Variants in ST8SIA4 observed in about 807,000 individuals in gnomAD.
ST8SIA4 encodes the protein ST8 alpha-N-acetyl-neuraminide alpha-2,8-sialyltransferase 4, also known as CMP-N-acetylneuraminate-poly-alpha-2,8-sialyltransferase.
A neutral mutation model predicts 33.9 loss-of-function variants in ST8SIA4; 15 were observed. The ratio of observed to expected loss-of-function variants is 0.44; its 90% CI spans 0.30 to 0.68. The LOEUF is 0.68. Among genes scored for constraint, ST8SIA4 ranks in the 30% least tolerant of loss-of-function variants. The probability of loss-of-function intolerance (pLI) is 0.10; values close to 1 mark genes in which losing one functional copy is unlikely to be tolerated. For missense variants in ST8SIA4, 321 were observed against 428.0 expected (o/e 0.75, Z 2.21); for synonymous variants, 171 against 151.2 (o/e 1.13, Z -0.96).
Position 100,886,514 on chromosome 5 carries a change from A to T in ST8SIA4, c.332T>A (p.Val111Glu). Residue 111 changes from valine (V) to glutamate (E), a missense_variant, in exon 3 of 5, where the codon GTG (valine) becomes GAG (glutamate). Transcript: ENST00000231461. ...SFKPGDVIHYVLDRRRTLNIS... is the reference protein window; with the variant it reads ...SFKPGDVIHYELDRRRTLNIS... ...GTTTAGTGTCCGGCGCCTGTCAAGCACATAGTGTATGACATCACCAGGCTT... is the reference window on the plus strand; with the variant it reads ...GTTTAGTGTCCGGCGCCTGTCAAGCTCATAGTGTATGACATCACCAGGCTT... 6.2e-7 allele frequency: 1 copy of T among 1,613,944 alleles called. No individual in the cohort carries two copies. Among genetic ancestry groups the T allele is most frequent in the Non-Finnish European group, 8.5e-7 (1 of 1,179,824 alleles).
chr5:100,830,744 G>T (rs1432457932), intron 4 of ST8SIA4, among the ~76,000 whole-genome samples: 1 of 152,138 alleles, frequency 6.6e-6, no homozygotes, highest in Admixed American at 6.5e-5. Context: ...ATTTCAAATG[G>T]TTGCATTATA....
rs548265199 is a variant in ST8SIA4, at chr5:100,903,251, C to G, written c.-296G>C. The G allele has an allele frequency of 8.3e-5, 31 of 372,450 alleles. No homozygotes were observed. The highest frequency in any genetic ancestry group is 6.3e-4 in the African/African-American group (30 of 47,838). 23.1% of individuals were successfully genotyped at this position (372,450 alleles called of 1,614,324 possible). On this transcript the variant is annotated 5_prime_UTR_variant, in exon 1 of 5. Coordinates refer to ENST00000231461, the MANE Select transcript of ST8SIA4 (RefSeq NM_005668.6). Reference sequence around the variant, plus strand: ...GAGACACCTTGTGCATTGGAGGTGGCGGCAGCTTCTGCAGCTGGGTTCGGG... The same window carrying G: ...GAGACACCTTGTGCATTGGAGGTGGGGGCAGCTTCTGCAGCTGGGTTCGGG...
intron 1 of ST8SIA4, among the ~76,000 whole-genome samples, chr5:100,898,019 T>G (rs895980415): frequency 6.6e-6 from 1 of 152,240 alleles, no homozygotes; most frequent in African/African-American, 2.4e-5. Context: ...CTATCACTAT[T>G]TCTGTGGATA....
intron 2 of ST8SIA4, among the ~76,000 whole-genome samples, chr5:100,887,230 A>G (rs1189569140): frequency 6.6e-6 from 1 of 152,072 alleles, no homozygotes; most frequent in African/African-American, 2.4e-5. Flanking sequence ...AAATGAATAG[A>G]TAGAACATTG....
At chr5:100,854,287 T>C (rs1751765932) in intron 4 of ST8SIA4, among the ~76,000 whole-genome samples, 1 of 151,718 alleles carries the variant, frequency 6.6e-6, no homozygotes, top group South Asian at 2.1e-4. Flanking sequence ...GATCTAATTA[T>C]AAGAATGCAA....
chr5:100,892,826 C>G (rs1006276689), intron 2 of ST8SIA4, among the ~76,000 whole-genome samples: 1 of 151,818 alleles, frequency 6.6e-6, no homozygotes, highest in Non-Finnish European at 1.5e-5. Flanking sequence ...ATCACACACC[C>G]GGGCCTGTCG....
chr5:100,891,576 T>A (rs530682876), intron 2 of ST8SIA4, among the ~76,000 whole-genome samples: 1 of 152,032 alleles, frequency 6.6e-6, no homozygotes, highest in African/African-American at 2.4e-5. Context: ...GGCAAAATTG[T>A]CCCACAATAT....
rs772216655 is a variant in ST8SIA4 at position 100,856,423 on chromosome 5, A to AT, written c.504-28_504-27insA. 8.8e-5 allele frequency: 138 copies of AT among 1,573,844 alleles called. No individual in the cohort carries two copies. The East Asian group carries it at 3.1e-3, about 35-fold the overall frequency. ...TGAAGAGGAAAAAATTAATGGGACA[A>AT]ATGAAAAAAAAAGAAATATTCACTG... On this transcript the variant is annotated intron_variant, in intron 3 of 4. Transcript: ENST00000231461.
At chr5:100,884,575 G>A (rs1752496993) in intron 3 of ST8SIA4, among the ~76,000 whole-genome samples, 1 of 152,140 alleles carries the variant, frequency 6.6e-6, no homozygotes, top group East Asian at 1.9e-4. Flanking sequence ...GAAAGTGAGA[G>A]GTGGTAATAT....
chr5:100,811,763 C>T lies in ST8SIA4; in HGVS notation c.*84G>A. ...TTCAGTTCATTGGTGGATGCTGAAA[C>T]CCAGCCGTGTTTTGGATCCTATTTT... On this transcript the variant is annotated 3_prime_UTR_variant, in exon 5 of 5. Coordinates refer to ENST00000231461, the MANE Select transcript of ST8SIA4 (RefSeq NM_005668.6). 22 of 1,406,160 alleles carry T rather than the reference C, an allele frequency of 1.6e-5. No individual in the cohort carries two copies. The South Asian group carries it at 3.0e-4, about 19-fold the overall frequency. 87.1% of individuals were successfully genotyped at this position (1,406,160 alleles called of 1,614,324 possible). A position where few individuals can be genotyped will look rare whatever the true frequency, so the allele number is the denominator to read the frequency against.
intron 3 of ST8SIA4, among the ~76,000 whole-genome samples, chr5:100,871,502 T>C (rs1295530020): frequency 6.6e-6 from 1 of 152,130 alleles, no homozygotes; most frequent in Non-Finnish European, 1.5e-5. Flanking sequence ...ATTGCTTTGT[T>C]TTTTATATCA....
chr5:100,838,404 C>G (rs1206061219), intron 4 of ST8SIA4, among the ~76,000 whole-genome samples: 2 of 151,888 alleles, frequency 1.3e-5, no homozygotes, highest in Non-Finnish European at 2.9e-5. Context: ...GAAGAAGGAA[C>G]AGAAATTACA....
At chr5:100,865,073 G>C (rs1370241637) in intron 3 of ST8SIA4, among the ~76,000 whole-genome samples, 3 of 152,154 alleles carry the variant, frequency 2.0e-5, no homozygotes, top group Admixed American at 2.0e-4. Context: ...CCCTGTCAGG[G>C]ATACCTCAGC....
intron 4 of ST8SIA4, among the ~76,000 whole-genome samples, chr5:100,828,356 A>G (rs924630729): frequency 6.6e-6 from 1 of 152,162 alleles, no homozygotes; most frequent in African/African-American, 2.4e-5. Context: ...ACATTCACTC[A>G]TAGCTCCCTG....
chr5:100,860,321 G>A (rs1751909134), intron 3 of ST8SIA4, among the ~76,000 whole-genome samples: 1 of 151,996 alleles, frequency 6.6e-6, no homozygotes, highest in Non-Finnish European at 1.5e-5. Context: ...TATTACCTAC[G>A]GAAACACCTT....
At chr5:100,824,840 C>T (rs1007244999) in intron 4 of ST8SIA4, among the ~76,000 whole-genome samples, 3 of 150,328 alleles carry the variant, frequency 2.0e-5, no homozygotes, top group Non-Finnish European at 1.5e-5. Flanking sequence ...GTGGGAGGGT[C>T]CTGGAGGCCA....
At position 100,812,000 on chromosome 5, in the gene ST8SIA4, T is replaced by C. The variant is rs1750825921; in HGVS notation, c.927A>G (p.Gly309=). ...CATAATAATGATATTTGACCGCTTT[T>C]CCATTTAAATCCTTAGGGAAGGGCC... ...GFWPFPKDLN[G]KAVKYHYYDD... The change falls in exon 5 of 5, where the codon GGA becomes GGG. Residue 309 remains glycine (G), a synonymous_variant. Transcript: ENST00000231461. 1.9e-6 allele frequency: 3 copies of C among 1,614,018 alleles called. No homozygotes were observed. The highest frequency in any genetic ancestry group is 2.5e-6 in the Non-Finnish European group (3 of 1,180,022).
At chr5:100,830,091 A>G (rs1751220797) in intron 4 of ST8SIA4, among the ~76,000 whole-genome samples, 1 of 152,170 alleles carries the variant, frequency 6.6e-6, no homozygotes, top group African/African-American at 2.4e-5. Flanking sequence ...TAAATGTGCC[A>G]CACTGAAGAT....
intron 3 of ST8SIA4, chr5:100,885,566 T>G (rs2112471782): frequency 1.1e-6 from 1 of 930,836 alleles, no homozygotes; most frequent in East Asian, 1.2e-4. Flanking sequence ...TATTTCATAT[T>G]TCAATATCCA....
Sources: gnomAD v4.1 joint callset for allele counts (sites outside exome capture counted in the v4.1 genomes callset) on GRCh38, gnomAD v4.1.1 for gene constraint, MANE v1.5 for transcripts, NCBI Gene and HGNC (gene_info 2026-07-23, HGNC 2026-07-21) for gene names.